MMAB: variants seen among roughly 807,000 people sequenced by gnomAD.
MMAB encodes the protein corrinoid adenosyltransferase MMAB.
Under a neutral mutation model 30.6 loss-of-function variants are expected in MMAB, and 17 were observed. The observed-to-expected ratio is 0.56, with a 90% CI of 0.38 to 0.83. The LOEUF (loss-of-function observed/expected upper bound fraction) is 0.83. MMAB is among the 40% of genes least tolerant of loss of function. The pLI is 0.00. For missense variants in MMAB, 311 were observed against 331.6 expected, an observed-to-expected ratio of 0.94 and a Z score of 0.48; for synonymous variants, 134 against 138.6, an observed-to-expected ratio of 0.97 and a Z score of 0.23.
chr12:109,571,587 G>T, intron 2 of MMAB, 62 bp downstream of exon 2: 1 of 1,480,958 alleles, frequency 6.8e-7, no homozygotes, highest in South Asian at 1.1e-5. Context: ...GAATTTGGAA[G>T]AACTTTAAAA....
Position 109,566,125 on chromosome 12 carries a change from G to T in MMAB, c.291-949C>A, listed in dbSNP as rs1020493727. Among the ~76,000 whole-genome samples the T allele has an allele frequency of 3.3e-5, 5 of 152,306 alleles. No individual in the cohort carries two copies. The East Asian group carries it at 7.7e-4, about 24-fold the overall frequency. ...CAGCAGGGAGGGAGTTAGGTAGGGA[G>T]CCCAGCTGCCACCAGAGCCATGCAC... On this transcript the variant is annotated intron_variant, in intron 3 of 8. Coordinates refer to ENST00000545712, the MANE Select transcript of MMAB (RefSeq NM_052845.4).
rs1447682856 is a variant in MMAB at position 109,568,850 on chromosome 12, G to C, written c.210C>G (p.Thr70=). Reference sequence around the variant, plus strand: ...CTTTGGGTCTCCTTTCTCCTGTGAAGGTACTAGAAAACCCTGTGGAAAAAA... The same window carrying C: ...CTTTGGGTCTCCTTTCTCCTGTGAACGTACTAGAAAACCCTGTGGAAAAAA... ...TKTGDKGFSS[T]FTGERRPKDD... The change falls in exon 3 of 9, where the codon ACC becomes ACG. Residue 70 remains threonine (T), a synonymous_variant. Transcript: ENST00000545712. 6.2e-7 allele frequency: 1 copy of C among 1,613,338 alleles called. No homozygotes were observed. Among genetic ancestry groups the C allele is most frequent in the Admixed American group, 1.7e-5 (1 of 60,008 alleles).
At chr12:109,570,586 T>G (rs1884596681) in intron 2 of MMAB, among the ~76,000 whole-genome samples, 1 of 152,176 alleles carries the variant, frequency 6.6e-6, no homozygotes, top group Non-Finnish European at 1.5e-5. Context: ...TGGTATACTG[T>G]CTTGGTGCGG....
At position 109,554,459 on chromosome 12, in the gene MMAB, T is replaced by C. The variant is rs1035140445; in HGVS notation, c.*2569A>G. On this transcript the variant is annotated 3_prime_UTR_variant, in exon 9 of 9. Coordinates refer to ENST00000545712, the MANE Select transcript of MMAB (RefSeq NM_052845.4). Reference sequence around the variant, plus strand: ...AGTGCCCACAAACTCAGGGATCGAGTAGTATTTGTGTGCAATATTTTCCAA... The same window carrying C: ...AGTGCCCACAAACTCAGGGATCGAGCAGTATTTGTGTGCAATATTTTCCAA... The C allele has an allele frequency of 2.2e-5, 10 of 453,746 alleles. No homozygotes were observed. The highest frequency in any genetic ancestry group is 4.4e-5 in the Non-Finnish European group (10 of 226,746). The allele number at this position is 453,746 out of a possible 1,614,324, so 28.1% of individuals were successfully genotyped here. A position where few individuals can be genotyped will look rare whatever the true frequency, so the allele number is the denominator to read the frequency against.
In MMAB at chr12:109,573,484, C is replaced by G. The variant is rs372195202; in HGVS notation, c.-4G>C. The G allele has an allele frequency of 1.9e-3, 3,021 of 1,600,718 alleles. 5 individuals carry two copies. The highest frequency in any genetic ancestry group is 2.4e-3 in the Non-Finnish European group (2,827 of 1,177,374). ...TCCCCAGGCCGCACACAGCCATGAG[C>G]CAGGCTGCTTGACGGGACCTGACCC... On this transcript the variant is annotated 5_prime_UTR_variant, in exon 1 of 9. Coordinates refer to ENST00000545712, the MANE Select transcript of MMAB (RefSeq NM_052845.4).
chr12:109,561,498 C>A lies in MMAB; in HGVS notation c.441G>T (p.Ala147=). 1 of 1,549,714 alleles carries A rather than the reference C, an allele frequency of 6.5e-7. No individual in the cohort carries two copies. Among genetic ancestry groups the A allele is most frequent in the Non-Finnish European group, 8.7e-7 (1 of 1,146,946 alleles). The change falls in exon 6 of 9, where the codon GCG becomes GCT. Residue 147 remains alanine, a synonymous_variant. Transcript: ENST00000545712. This position sits in a 1 kb window ranked among gnomAD's most constrained non-coding sequence, Gnocchi z 5.3. ...EAHLKYTTFK[A]GPILELEQWI... is the part of the protein sequence containing the mutation. ...ACTGCTCCAGCTCCAGGATGGGCCCCGCCTTGAACGTGGTATACTCTGAGG... is the reference window on the plus strand; with the variant it reads ...ACTGCTCCAGCTCCAGGATGGGCCCAGCCTTGAACGTGGTATACTCTGAGG...
At chr12:109,571,519 C>G in intron 2 of MMAB, 130 bp downstream of exon 2, 1 of 821,106 alleles carries the variant, frequency 1.2e-6, no homozygotes, top group Non-Finnish European at 2.0e-6. Context: ...CCCAAAGTGC[C>G]GGGATTACAG....
In MMAB at chr12:109,554,066, A is replaced by G. The variant is rs1020396316; in HGVS notation, c.*2962T>C. The G allele has an allele frequency of 4.4e-6, 2 of 453,874 alleles. No homozygotes were observed. The highest frequency in any genetic ancestry group is 4.0e-5 in the African/African-American group (2 of 49,992). The allele number at this position is 453,874 out of a possible 1,614,324, so 28.1% of individuals were successfully genotyped here. ...TGGCATTGTTCGCCACAGCCCAGGT[A>G]GTGATTAAAACGACTGTCAAGCGGC... On this transcript the variant is annotated 3_prime_UTR_variant, in exon 9 of 9. Transcript: ENST00000545712.
rs1253813791 is a variant in MMAB at position 109,573,495 on chromosome 12, G to C, written c.-15C>G. 1.3e-6 allele frequency: 2 copies of C among 1,591,464 alleles called. No individual in the cohort carries two copies. The highest frequency in any genetic ancestry group is 2.7e-5 in the African/African-American group (2 of 74,648). ...CACACAGCCATGAGCCAGGCTGCTT[G>C]ACGGGACCTGACCCCGCCAGGTTCC... On this transcript the variant is annotated 5_prime_UTR_variant, in exon 1 of 9. Coordinates refer to ENST00000545712, the MANE Select transcript of MMAB (RefSeq NM_052845.4).
rs1205080220 is a variant in MMAB, at chr12:109,554,021, C to T, written c.*3007G>A. On this transcript the variant is annotated 3_prime_UTR_variant, in exon 9 of 9. Transcript: ENST00000545712. ...AGGGAAACTAGGTTGAGAAATGAGA[C>T]AGCAGGATCTATCAGAGCCTGGCAT... 1 of 454,118 alleles carries T rather than the reference C, an allele frequency of 2.2e-6. No individual in the cohort carries two copies. 28.1% of individuals were successfully genotyped at this position (454,118 alleles called of 1,614,324 possible).
intron 3 of MMAB, among the ~76,000 whole-genome samples, chr12:109,566,842 G>C (rs1171558532): frequency 6.6e-6 from 1 of 152,206 alleles, no homozygotes; most frequent in Non-Finnish European, 1.5e-5. Flanking sequence ...GTGTTTTAGA[G>C]CTCATTAGAA....
At chr12:109,560,076 G>C (rs1444277236) in intron 7 of MMAB, among the ~76,000 whole-genome samples, 2 of 152,236 alleles carry the variant, frequency 1.3e-5, no homozygotes, top group Middle Eastern at 6.3e-3. Context: ...GCTATTATGA[G>C]CACTGCTGAT....
At chr12:109,564,790 T>C in intron 4 of MMAB, 1 of 439,958 alleles carries the variant, frequency 2.3e-6, no homozygotes, top group South Asian at 2.1e-5. Context: ...GAGATCCTCC[T>C]ACCTCAGTTT....
Position 109,555,285 on chromosome 12 carries a change from T to TTTTTTA in MMAB, c.*1742_*1743insTAAAAA. 2.9e-6 allele frequency: 1 copy of TTTTTTA among 346,438 alleles called. No homozygotes were observed. Among genetic ancestry groups the TTTTTTA allele is most frequent in the Non-Finnish European group, 5.8e-6 (1 of 173,144 alleles). 21.5% of individuals were successfully genotyped at this position (346,438 alleles called of 1,614,324 possible). A position where few individuals can be genotyped will look rare whatever the true frequency, so the allele number is the denominator to read the frequency against. ...GATTGCGTTTTCAGGGTTTTTTTTTTTTTTTTTTTTTTTTTGTGACGGAGT... is the reference window on the plus strand; with the variant it reads ...GATTGCGTTTTCAGGGTTTTTTTTTTTTTTTATTTTTTTTTTTTTTTGTGACGGAGT... On this transcript the variant is annotated 3_prime_UTR_variant, in exon 9 of 9. Coordinates refer to ENST00000545712, the MANE Select transcript of MMAB (RefSeq NM_052845.4).
Position 109,561,964 on chromosome 12 carries a change from G to T in MMAB, c.349-112C>A. ...GCAAAGCCTGTGCCAGCTAGCTCAT[G>T]AAGGGCTGTGATATGGTTTGGCAAT... is the stretch of plus-strand genomic sequence containing the variant. On this transcript the variant is annotated intron_variant, in intron 4 of 8. Coordinates refer to ENST00000545712, the MANE Select transcript of MMAB (RefSeq NM_052845.4). This position sits in a 1 kb window ranked among gnomAD's most constrained non-coding sequence, Gnocchi z 5.3. The T allele has an allele frequency of 1.1e-6, 1 of 886,212 alleles. No individual in the cohort carries two copies. The highest frequency in any genetic ancestry group is 1.8e-6 in the Non-Finnish European group (1 of 552,160). The allele number at this position is 886,212 out of a possible 1,614,324, so 54.9% of individuals were successfully genotyped here.
intron 2 of MMAB, chr12:109,570,188 A>G (rs59227481): frequency 0.37 from 81,186 of 217,412 alleles, 15,823 homozygotes; most frequent in African/African-American, 0.5. Flanking sequence ...GCTTGAACCC[A>G]GGAGGTTGCA....
At chr12:109,557,663 G>T (rs920864391) in intron 8 of MMAB, among the ~76,000 whole-genome samples, 1 of 152,160 alleles carries the variant, frequency 6.6e-6, no homozygotes. Flanking sequence ...GTGTGTTCGG[G>T]GCTGTCCTGT....
In MMAB at chr12:109,553,896, C is replaced by A. The variant is rs768171388; in HGVS notation, c.*3132G>T. The A allele has an allele frequency of 2.2e-6, 1 of 453,902 alleles. No individual in the cohort carries two copies. The highest frequency in any genetic ancestry group is 2.0e-5 in the African/African-American group (1 of 49,954). 28.1% of individuals were successfully genotyped at this position (453,902 alleles called of 1,614,324 possible). A position where few individuals can be genotyped will look rare whatever the true frequency, so the allele number is the denominator to read the frequency against. ...TGACATTGCCACTGACGGGGGCTTC[C>A]GAACTGGGGACGTTTGTCATTGGGA... On this transcript the variant is annotated 3_prime_UTR_variant, in exon 9 of 9. Coordinates refer to ENST00000545712, the MANE Select transcript of MMAB (RefSeq NM_052845.4).
At chr12:109,570,395 T>A (rs1884591251) in intron 2 of MMAB, among the ~76,000 whole-genome samples, 2 of 152,248 alleles carry the variant, frequency 1.3e-5, no homozygotes, top group African/African-American at 4.8e-5. Context: ...ATCCTCTTCC[T>A]TCTTTTTAAT....
Sources: gnomAD v4.1 joint callset for allele counts (sites outside exome capture counted in the v4.1 genomes callset) on GRCh38, gnomAD v4.1.1 for gene constraint, Gnocchi (gnomAD v3.1) non-coding constraint, MANE v1.5 for transcripts, NCBI Gene and HGNC (gene_info 2026-07-23, HGNC 2026-07-21) for gene names.